The following IQUB variants were observed in gnomAD, a reference collection of about 807,000 sequenced individuals.
The protein encoded by IQUB is IQ motif and ubiquitin domain containing.
A neutral mutation model predicts 86.4 loss-of-function variants in IQUB; 86 were observed. That is an observed-to-expected ratio of 1.00 (90% confidence interval 0.84 to 1.19). IQUB has a LOEUF of 1.19. Ranked by LOEUF, IQUB falls within the 50% of genes most tolerant of loss-of-function variation. The probability of loss-of-function intolerance (pLI) is 0.00; values close to 1 mark genes in which losing one functional copy is unlikely to be tolerated. For synonymous variants in IQUB, 289 were observed against 304.5 expected (o/e 0.95, Z 0.53); for missense variants, 946 against 916.9 (o/e 1.03, Z -0.41).
At chr7:123,458,588 T>C (rs966719762) in intron 11 of IQUB, among the ~76,000 whole-genome samples, 1 of 152,054 alleles carries the variant, frequency 6.6e-6, no homozygotes, top group Admixed American at 6.6e-5. Context: ...CAATGTTTTA[T>C]ATATTTTACT....
At chr7:123,523,338 A>G (rs1337012617) in intron 1 of IQUB, among the ~76,000 whole-genome samples, 52 of 141,556 alleles carry the variant, frequency 3.7e-4, no homozygotes, top group African/African-American at 1.3e-3. Flanking sequence ...AAGTGTTCCT[A>G]TTTCTCCACA....
chr7:123,457,326 C>A, intron 12 of IQUB, 55 bp downstream of exon 12: 1 of 1,581,206 alleles, frequency 6.3e-7, no homozygotes, highest in South Asian at 1.1e-5. Context: ...GTCCAGTTAT[C>A]GCTAATAATT....
In IQUB at chr7:123,503,247, C is replaced by A. The variant is rs751251841; in HGVS notation, c.649G>T (p.Gly217Ter). 1 of 1,611,994 alleles carries A rather than the reference C, an allele frequency of 6.2e-7. No homozygotes were observed. Among genetic ancestry groups the A allele is most frequent in the Non-Finnish European group, 8.5e-7 (1 of 1,178,778 alleles). The change falls in exon 4 of 13, where the codon GGA becomes TGA. Residue 217 changes from glycine (G) to a stop codon, truncating the protein, a stop_gained. Transcript: ENST00000324698. LOFTEE classifies it high-confidence loss of function. ...PDLYPVRRID[G>*]LTDVSQIITV... ...ATGATTTGAGAGACATCAGTTAATC[C>A]ATCTATTCTTCTGACTGGATACAGA...
chr7:123,526,746 G>T (rs563850633), intron 1 of IQUB, among the ~76,000 whole-genome samples: 1 of 150,940 alleles, frequency 6.6e-6, no homozygotes. Context: ...TCATTATGAT[G>T]TTAGCTGGTT....
intron 8 of IQUB, among the ~76,000 whole-genome samples, chr7:123,470,217 T>C (rs1422849743): frequency 6.6e-6 from 1 of 152,180 alleles, no homozygotes; most frequent in Non-Finnish European, 1.5e-5. Flanking sequence ...GACAGGGACA[T>C]TTAGAGGAGA....
chr7:123,459,199 T>C (rs1475887529), intron 11 of IQUB, among the ~76,000 whole-genome samples: 1 of 151,964 alleles, frequency 6.6e-6, no homozygotes, highest in East Asian at 1.9e-4. Context: ...ATGGAGATTA[T>C]CCTTATCTGA....
At chr7:123,453,263 A>AATATATATACAT (rs1793523488) in intron 12 of IQUB, among the ~76,000 whole-genome samples, 2 of 138,216 alleles carry the variant, frequency 1.4e-5, no homozygotes, top group South Asian at 4.7e-4. Context: ...ATCTAGTTAG[A>AATATATATACAT]ATATATATAT....
intron 1 of IQUB, among the ~76,000 whole-genome samples, chr7:123,530,334 G>A (rs1338993454): frequency 6.6e-6 from 1 of 151,614 alleles, no homozygotes; most frequent in Non-Finnish European, 1.5e-5. Flanking sequence ...TACTCGGGAA[G>A]CTGAGGCAGG....
chr7:123,497,730 A>G (rs1795763634), intron 6 of IQUB, among the ~76,000 whole-genome samples: 1 of 150,780 alleles, frequency 6.6e-6, no homozygotes, highest in South Asian at 2.1e-4. Context: ...TAGAAAAACT[A>G]TGTAAAGCAG....
intron 7 of IQUB, among the ~76,000 whole-genome samples, chr7:123,488,160 C>T (rs1258093885): frequency 6.6e-6 from 1 of 151,488 alleles, no homozygotes; most frequent in Non-Finnish European, 1.5e-5. Flanking sequence ...GGTGAAACCC[C>T]GTCTCTACTA....
At chr7:123,531,419 TG>T (rs1451121593) in intron 1 of IQUB, among the ~76,000 whole-genome samples, 1 of 152,170 alleles carries the variant, frequency 6.6e-6, no homozygotes, top group East Asian at 1.9e-4. Context: ...AAATCATTGT[TG>T]AAAAAAACCG....
intron 1 of IQUB, among the ~76,000 whole-genome samples, chr7:123,528,801 A>G (rs1400572146): frequency 6.6e-6 from 1 of 152,250 alleles, no homozygotes; most frequent in Non-Finnish European, 1.5e-5. Context: ...GATTTAAAAT[A>G]GAGTAAAAAA....
intron 8 of IQUB, among the ~76,000 whole-genome samples, chr7:123,471,304 C>A (rs529796488): frequency 6.6e-6 from 1 of 152,068 alleles, no homozygotes; most frequent in Non-Finnish European, 1.5e-5. Context: ...ATGCATATAG[C>A]CTTATTTTGG....
rs186834226 is a variant in IQUB, at chr7:123,522,343, A to C, written c.-4-9999T>G. ...CATGTGTCCTTTGACCCAGCATCCA[A>C]GAAACAGTGACTAATTTATTAGTTT... On this transcript the variant is annotated intron_variant, in intron 1 of 12. Transcript: ENST00000324698. Among the ~76,000 whole-genome samples, 39 of 152,320 alleles carry C rather than the reference A, an allele frequency of 2.6e-4. No individual in the cohort carries two copies. The East Asian group carries it at 6.2e-3, about 24-fold the overall frequency.
intron 2 of IQUB, 133 bp from the exon 3 acceptor site, chr7:123,510,168 T>C: frequency 3.3e-6 from 2 of 599,628 alleles, no homozygotes; most frequent in Non-Finnish European, 5.7e-6. Context: ...TGCTAGTGTT[T>C]CCCTGCTGTG....
At chr7:123,517,530 CAAAAAAAAAAAAAAAAA>C (rs374712007) in intron 1 of IQUB, among the ~76,000 whole-genome samples, 1 of 22,452 alleles carries the variant, frequency 4.5e-5, no homozygotes, top group South Asian at 3.3e-3. Context: ...GACTCCATCT[CAAAAAAAAAAAAAAAAA>C]AAAAAAAAAA....
intron 1 of IQUB, among the ~76,000 whole-genome samples, chr7:123,531,037 T>G (rs906957430): frequency 6.6e-6 from 1 of 152,148 alleles, no homozygotes; most frequent in Non-Finnish European, 1.5e-5. Context: ...ATAGGAAAAC[T>G]GGAACTGTCA....
At chr7:123,469,920 C>T (rs571406733) in intron 8 of IQUB, among the ~76,000 whole-genome samples, 1 of 152,236 alleles carries the variant, frequency 6.6e-6, no homozygotes, top group Non-Finnish European at 1.5e-5. Context: ...AGTGAAAGAG[C>T]TATATTGCTA....
intron 8 of IQUB, among the ~76,000 whole-genome samples, chr7:123,474,902 A>T (rs1222332859): frequency 1.3e-5 from 2 of 152,206 alleles, no homozygotes; most frequent in African/African-American, 4.8e-5. Flanking sequence ...ATTCTAAAAC[A>T]TGTGACCCAC....
Sources: gnomAD v4.1 joint callset for allele counts (sites outside exome capture counted in the v4.1 genomes callset) on GRCh38, gnomAD v4.1.1 for gene constraint, MANE v1.5 for transcripts, NCBI Gene and HGNC (gene_info 2026-07-23, HGNC 2026-07-21) for gene names.